Variants in PLD1 observed in about 807,000 individuals in gnomAD.
PLD1 encodes the protein choline phosphatase 1.
A neutral mutation model predicts 137.1 loss-of-function variants in PLD1; 112 were observed. That is an observed-to-expected ratio of 0.82 (90% CI 0.70 to 0.96). The LOEUF is 0.96. Ranked by LOEUF, PLD1 falls within the 40% of genes least tolerant of loss-of-function variation. The pLI, the probability that PLD1 is intolerant of heterozygous loss-of-function variation, is 0.00. For synonymous variants in PLD1, 431 were observed against 454.7 expected, an observed-to-expected ratio of 0.95 and a Z score of 0.66; for missense variants, 1,321 against 1,342.0, an observed-to-expected ratio of 0.98 and a Z score of 0.24.
At chr3:171,746,864 T>C (rs1383970322) in intron 1 of PLD1, among the ~76,000 whole-genome samples, 1 of 152,232 alleles carries the variant, frequency 6.6e-6, no homozygotes. Context: ...GGCAACCAGC[T>C]GGGGCCCCCT....
intron 16 of PLD1, among the ~76,000 whole-genome samples, chr3:171,678,639 A>C (rs1713631695): frequency 6.6e-6 from 1 of 152,246 alleles, no homozygotes; most frequent in Non-Finnish European, 1.5e-5. Flanking sequence ...TGAGAGGACT[A>C]CACTGGTCCT....
intron 1 of PLD1, among the ~76,000 whole-genome samples, chr3:171,769,402 G>A (rs1007040199): frequency 1.3e-5 from 2 of 152,160 alleles, no homozygotes; most frequent in African/African-American, 4.8e-5. Context: ...CTACAATCAG[G>A]TGGACAAGTC....
intron 1 of PLD1, among the ~76,000 whole-genome samples, chr3:171,761,822 G>T (rs78128469): frequency 0.019 from 2,953 of 152,220 alleles, 120 homozygotes; most frequent in African/African-American, 0.068. Flanking sequence ...CCCTTGGTAA[G>T]ATCCACTTTC....
chr3:171,615,452 C>T (rs1733023530), intron 24 of PLD1, among the ~76,000 whole-genome samples: 1 of 151,968 alleles, frequency 6.6e-6, no homozygotes, highest in South Asian at 2.1e-4. Context: ...AATTTATTAC[C>T]CTGGCCAAAA....
At chr3:171,790,804 G>T (rs1165743296) in intron 1 of PLD1, among the ~76,000 whole-genome samples, 2 of 152,196 alleles carry the variant, frequency 1.3e-5, no homozygotes, top group African/African-American at 4.8e-5. Flanking sequence ...CGTCATGCCA[G>T]CTCCCAACGG....
Position 171,612,343 on chromosome 3 carries a change from C to T in PLD1, c.2818G>A (p.Val940Ile), listed in dbSNP as rs779682347. The change falls in exon 25 of 27, where the codon GTA (valine) becomes ATA (isoleucine). Residue 940 changes from valine to isoleucine, a missense_variant. Val to Ile is a conservative substitution (Grantham distance 29). Coordinates refer to ENST00000351298, the MANE Select transcript of PLD1 (RefSeq NM_002662.5). This position sits in a 1 kb window ranked among gnomAD's most constrained non-coding sequence, Gnocchi z 4.1. ...GCTTGGTACTCTTTTCCATCCATTA[C>T]TGAAGGAACAGTCTCTGTATCTTGC... ...IVQDTETVPS[V>I]MDGKEYQAGR... The T allele has an allele frequency of 5.0e-6, 8 of 1,614,046 alleles. No homozygotes were observed. The highest frequency in any genetic ancestry group is 6.8e-6 in the Non-Finnish European group (8 of 1,179,900).
chr3:171,658,813 C>A (rs1737426849), intron 21 of PLD1, among the ~76,000 whole-genome samples: 1 of 151,776 alleles, frequency 6.6e-6, no homozygotes, highest in African/African-American at 2.4e-5. Flanking sequence ...TCTCAGCAAA[C>A]CAATTATTAA....
chr3:171,808,311 C>T (rs572817159), intron 1 of PLD1, among the ~76,000 whole-genome samples: 2 of 151,852 alleles, frequency 1.3e-5, no homozygotes, highest in South Asian at 4.2e-4. Flanking sequence ...CCGAGGCGGG[C>T]GGATCACGAG....
intron 1 of PLD1, among the ~76,000 whole-genome samples, chr3:171,743,164 C>A (rs549905502): frequency 1.3e-5 from 2 of 152,254 alleles, no homozygotes; most frequent in Admixed American, 6.5e-5. Flanking sequence ...CTGTGAGGAG[C>A]AAATGTGATC....
intron 1 of PLD1, among the ~76,000 whole-genome samples, chr3:171,748,193 G>A (rs981774034): frequency 1.3e-5 from 2 of 152,168 alleles, no homozygotes; most frequent in Non-Finnish European, 2.9e-5. Context: ...TGTATTTGAA[G>A]AGAAAATATG....
At chr3:171,808,046 G>A (rs1257504302) in intron 1 of PLD1, among the ~76,000 whole-genome samples, 1 of 152,090 alleles carries the variant, frequency 6.6e-6, no homozygotes, top group African/African-American at 2.4e-5. Context: ...ATATAGAGAC[G>A]GCAACAATAG....
At chr3:171,768,839 C>T (rs947024775) in intron 1 of PLD1, among the ~76,000 whole-genome samples, 7 of 152,190 alleles carry the variant, frequency 4.6e-5, no homozygotes. Flanking sequence ...AACAAGAAAG[C>T]ATGTTGGATA....
intron 1 of PLD1, among the ~76,000 whole-genome samples, chr3:171,779,444 C>T (rs182667572): frequency 2.7e-4 from 41 of 152,218 alleles, no homozygotes; most frequent in Non-Finnish European, 3.2e-4. Flanking sequence ...AGCTGAGGAA[C>T]ATTGTAGGTG....
At chr3:171,778,391 AAC>A in intron 1 of PLD1, among the ~76,000 whole-genome samples, 1 of 152,360 alleles carries the variant, frequency 6.6e-6, no homozygotes, top group South Asian at 2.1e-4. Context: ...CAAAAATTAA[AAC>A]AAATATATAT....
chr3:171,709,683 T>C lies in PLD1; in HGVS notation c.938A>G (p.Tyr313Cys). 6.2e-7 allele frequency: 1 copy of C among 1,612,588 alleles called. No individual in the cohort carries two copies. Among genetic ancestry groups the C allele is most frequent in the African/African-American group, 1.3e-5 (1 of 74,964 alleles). ...SRTLILKCNS[Y>C]RHARWWGGAI... is the part of the protein sequence containing the mutation. ...CCCTCCCCACCACCGAGCATGTCTA[T>C]AGCTGTTGCATTTTAAAATAAGTGT... The change falls in exon 10 of 27, where the codon TAT becomes TGT. Residue 313 changes from tyrosine to cysteine, a missense_variant. Tyr to Cys is a radical substitution (Grantham distance 194). Coordinates refer to ENST00000351298, the MANE Select transcript of PLD1 (RefSeq NM_002662.5).
At chr3:171,675,662 T>C (rs921997799) in intron 18 of PLD1, among the ~76,000 whole-genome samples, 4 of 152,188 alleles carry the variant, frequency 2.6e-5, no homozygotes, top group African/African-American at 9.7e-5. Flanking sequence ...CCTAAATTTT[T>C]GTTAAAAAAT....
intron 23 of PLD1, among the ~76,000 whole-genome samples, chr3:171,640,462 C>G (rs1386750395): frequency 6.6e-6 from 1 of 152,170 alleles, no homozygotes; most frequent in East Asian, 1.9e-4. Flanking sequence ...TTCCACCTAT[C>G]TGTGAATTCC....
rs185992169 is a variant in PLD1, at chr3:171,626,205, G to A, written c.2594-5685C>T. 3.0e-4 allele frequency among the ~76,000 whole-genome samples: 46 copies of A among 152,332 alleles called. 1 individual carries two copies. In the East Asian group the frequency reaches 8.1e-3, roughly 27 times the overall value. On this transcript the variant is annotated intron_variant, in intron 23 of 26. Transcript: ENST00000351298. ...AAGGCTCGAGAACTACATGAAGAAC[G>A]CAGAAGCCTCAAGAGCCGATGCGAT...
chr3:171,727,105 GA>G (rs1718577107), intron 6 of PLD1, among the ~76,000 whole-genome samples: 1 of 152,016 alleles, frequency 6.6e-6, no homozygotes, highest in African/African-American at 2.4e-5. Context: ...TTATTCTTTT[GA>G]TTTTTTTTCA....
Sources: gnomAD v4.1 joint callset for allele counts (sites outside exome capture counted in the v4.1 genomes callset) on GRCh38, gnomAD v4.1.1 for gene constraint, Gnocchi (gnomAD v3.1) non-coding constraint, MANE v1.5 for transcripts, NCBI Gene and HGNC (gene_info 2026-07-23, HGNC 2026-07-21) for gene names.